The following VXN variants were observed in gnomAD, a reference collection of about 807,000 sequenced individuals.
VXN encodes the protein vexin, also known as uncharacterized protein C8orf46.
Under a neutral mutation model 23.1 loss-of-function variants are expected in VXN, and 7 were observed. The ratio of observed to expected loss-of-function variants is 0.30; its 90% confidence interval spans 0.17 to 0.57. The LOEUF (loss-of-function observed/expected upper bound fraction) is 0.57, where lower values mean the gene tolerates loss of function less well. VXN is among the 20% of genes least tolerant of loss of function. VXN has a pLI of 0.91. For missense variants in VXN, 238 were observed against 272.6 expected, an observed-to-expected ratio of 0.87 and a Z score of 0.89; for synonymous variants, 120 against 105.8, an observed-to-expected ratio of 1.13 and a Z score of -0.83.
At chr8:66,507,923 C>T (rs1482721906) in intron 3 of VXN, among the ~76,000 whole-genome samples, 2 of 152,092 alleles carry the variant, frequency 1.3e-5, no homozygotes, top group Non-Finnish European at 2.9e-5. Flanking sequence ...ATGCAGTAGC[C>T]GTCTCACCTG....
intron 4 of VXN, 125 bp downstream of exon 4, chr8:66,510,282 G>T (rs1807807083): frequency 2.5e-6 from 2 of 785,562 alleles, no homozygotes; most frequent in Non-Finnish European, 2.0e-6. Context: ...TATTAGAAAA[G>T]CATAACTGGC....
chr8:66,500,471 A>AT (rs1309073233), intron 2 of VXN, among the ~76,000 whole-genome samples: 2 of 151,988 alleles, frequency 1.3e-5, no homozygotes, highest in African/African-American at 4.8e-5. Flanking sequence ...TCATTTCAAC[A>AT]TTTTTTCCCC....
At chr8:66,514,537 A>G (rs1000686423) in intron 5 of VXN, among the ~76,000 whole-genome samples, 9 of 152,028 alleles carry the variant, frequency 5.9e-5, no homozygotes, top group Non-Finnish European at 1.2e-4. Context: ...CGGGGTTCAA[A>G]CAATTCTCCA....
At chr8:66,511,400 C>T (rs1284988487) in intron 4 of VXN, among the ~76,000 whole-genome samples, 3 of 152,190 alleles carry the variant, frequency 2.0e-5, no homozygotes, top group Non-Finnish European at 2.9e-5. Flanking sequence ...ATGGGTGCTT[C>T]GCTCCTGGTC....
At chr8:66,494,353 C>T (rs1398643480) in intron 1 of VXN, among the ~76,000 whole-genome samples, 1 of 152,108 alleles carries the variant, frequency 6.6e-6, no homozygotes, top group African/African-American at 2.4e-5. Context: ...GTTCTGATGA[C>T]TCCAAGTGTC....
chr8:66,514,748 A>T (rs1160581311), intron 5 of VXN, among the ~76,000 whole-genome samples: 2 of 152,102 alleles, frequency 1.3e-5, no homozygotes, highest in Non-Finnish European at 2.9e-5. Flanking sequence ...GAAAGAGATA[A>T]TATGTGGAGA....
chr8:66,509,752 C>T (rs963175988), intron 3 of VXN, among the ~76,000 whole-genome samples: 2 of 152,168 alleles, frequency 1.3e-5, no homozygotes, highest in Admixed American at 6.5e-5. Context: ...TTTAGGTATA[C>T]AGCAAAATTG....
chr8:66,502,744 G>A lies in VXN; in HGVS notation c.127-2631G>A, dbSNP rs539640266. Reference sequence around the variant, plus strand: ...AGCCTGGGTGACAGAGTGAGACTCCGTCTCAAAATAAACAAAAAAAGAAAA... The same window carrying A: ...AGCCTGGGTGACAGAGTGAGACTCCATCTCAAAATAAACAAAAAAAGAAAA... On this transcript the variant is annotated intron_variant, in intron 2 of 5. Transcript: ENST00000305454. Among the ~76,000 whole-genome samples, 151 of 151,842 alleles carry A rather than the reference G, an allele frequency of 9.9e-4. 1 individual carries two copies. Among genetic ancestry groups the A allele is most frequent in the Non-Finnish European group, 1.6e-3 (107 of 67,986 alleles).
At chr8:66,499,054 C>T (rs1807658631) in intron 2 of VXN, 1 of 163,986 alleles carries the variant, frequency 6.1e-6, no homozygotes, top group Non-Finnish European at 1.4e-5. Context: ...AATAAGAGAA[C>T]ATTTCTCAAG....
In VXN at chr8:66,507,010, C is replaced by T. The variant is rs1265012053; in HGVS notation, c.280+1482C>T. Among the ~76,000 whole-genome samples the T allele has an allele frequency of 5.3e-5, 8 of 152,162 alleles. No individual in the cohort carries two copies. In the East Asian group the frequency reaches 1.3e-3, roughly 26 times the overall value. On this transcript the variant is annotated intron_variant, in intron 3 of 5. Coordinates refer to ENST00000305454, the MANE Select transcript of VXN (RefSeq NM_152765.4). Reference sequence around the variant, plus strand: ...ATCATAAAGTGAATTTAGAGCCATGCTTCTCAAATTTTAATATGCAAAAGA... The same window carrying T: ...ATCATAAAGTGAATTTAGAGCCATGTTTCTCAAATTTTAATATGCAAAAGA...
chr8:66,498,077 A>G (rs1375438100), intron 2 of VXN, among the ~76,000 whole-genome samples: 1 of 151,920 alleles, frequency 6.6e-6, no homozygotes, highest in African/African-American at 2.4e-5. Context: ...CTGAGGCAGG[A>G]GAATCGCTTG....
chr8:66,494,320 G>A (rs1001791268), intron 1 of VXN, among the ~76,000 whole-genome samples: 1 of 152,108 alleles, frequency 6.6e-6, no homozygotes, highest in Non-Finnish European at 1.5e-5. Flanking sequence ...CTCAGTGAAC[G>A]GTGTTAAGGG....
At chr8:66,512,516 T>C (rs1807836341) in intron 4 of VXN, among the ~76,000 whole-genome samples, 1 of 152,140 alleles carries the variant, frequency 6.6e-6, no homozygotes, top group African/African-American at 2.4e-5. Context: ...ACAGAGTGTG[T>C]CTATTGTCTA....
intron 3 of VXN, among the ~76,000 whole-genome samples, chr8:66,508,752 G>GT: frequency 1.3e-5 from 2 of 152,274 alleles, no homozygotes; most frequent in Middle Eastern, 6.8e-3. Context: ...TAACTGTTAT[G>GT]TATCTCTAAA....
chr8:66,504,365 A>C (rs1807723603), intron 2 of VXN, among the ~76,000 whole-genome samples: 1 of 152,000 alleles, frequency 6.6e-6, no homozygotes, highest in African/African-American at 2.4e-5. Context: ...AATGAAAATA[A>C]AATCAGGAAC....
At chr8:66,500,320 T>C (rs958679796) in intron 2 of VXN, among the ~76,000 whole-genome samples, 3 of 152,232 alleles carry the variant, frequency 2.0e-5, no homozygotes, top group African/African-American at 7.2e-5. Context: ...CATTTTAAAA[T>C]ACCTTTTCCA....
intron 2 of VXN, among the ~76,000 whole-genome samples, chr8:66,497,205 A>G (rs62512579): frequency 7.2e-4 from 109 of 152,162 alleles, no homozygotes; most frequent in Non-Finnish European, 1.2e-3. Flanking sequence ...TTTTGGATTA[A>G]TTCCTCAGAG....
At chr8:66,496,087 T>G (rs1018017208) in intron 1 of VXN, among the ~76,000 whole-genome samples, 6 of 152,250 alleles carry the variant, frequency 3.9e-5, no homozygotes, top group African/African-American at 1.4e-4. Flanking sequence ...TTATTTCACT[T>G]AGTACCATGT....
rs996742809 is a variant in VXN, at chr8:66,513,725, G to A, written c.440+88G>A. Reference sequence around the variant, plus strand: ...CAGAAGAGCACCAGGCCGCCTGGTTGACAGACCCTCGAGAGGCCAACACAA... The same window carrying A: ...CAGAAGAGCACCAGGCCGCCTGGTTAACAGACCCTCGAGAGGCCAACACAA... On this transcript the variant is annotated intron_variant, in intron 5 of 5. Coordinates refer to ENST00000305454, the MANE Select transcript of VXN (RefSeq NM_152765.4). The A allele has an allele frequency of 2.1e-5, 23 of 1,101,156 alleles. No individual in the cohort carries two copies. In the African/African-American group the frequency reaches 3.3e-4, roughly 16 times the overall value. 68.2% of individuals were successfully genotyped at this position (1,101,156 alleles called of 1,614,324 possible).
Sources: allele counts gnomAD v4.1 joint callset (sites outside exome capture counted in the v4.1 genomes callset), GRCh38; gene constraint gnomAD v4.1.1; transcripts MANE v1.5; gene names NCBI Gene and HGNC (gene_info 2026-07-23, HGNC 2026-07-21).